The following ABTB2 variants were observed in gnomAD, a reference collection of about 807,000 sequenced individuals.
ABTB2 encodes ankyrin repeat and BTB domain containing 2.
A neutral mutation model predicts 104.1 loss-of-function variants in ABTB2; 56 were observed. The observed-to-expected ratio is 0.54, with a 90% CI of 0.43 to 0.67. The LOEUF (loss-of-function observed/expected upper bound fraction) is 0.67. Ranked by LOEUF, ABTB2 falls within the 30% of genes least tolerant of loss-of-function variation. ABTB2 has a pLI of 0.00. For synonymous variants in ABTB2, 606 were observed against 608.2 expected, an observed-to-expected ratio of 1.00 and a Z score of 0.05; for missense variants, 1,279 against 1,407.7, an observed-to-expected ratio of 0.91 and a Z score of 1.46.
intron 1 of ABTB2, among the ~76,000 whole-genome samples, chr11:34,221,959 A>G (rs1590221001): frequency 1.3e-5 from 2 of 152,124 alleles, no homozygotes; most frequent in Admixed American, 1.3e-4. Flanking sequence ...GCAGGAGAAT[A>G]GCTTGAACCT....
At chr11:34,309,459 C>T (rs892609716) in intron 1 of ABTB2, among the ~76,000 whole-genome samples, 2 of 152,108 alleles carry the variant, frequency 1.3e-5, no homozygotes, top group South Asian at 4.1e-4. Context: ...AAGATATGAA[C>T]GGGCATTACC....
Position 34,357,204 on chromosome 11 carries a change from C to T in ABTB2, c.380G>A (p.Arg127His). ...LPQFSAEAVR[R>H]LAGLLRRALI... ...TGCCCTGCGGAGCAGCCCGGCCAGG[C>T]GCCTCACCGCCTCGGCGGAGAACTG... is the stretch of plus-strand genomic sequence containing the variant. The change falls in exon 1 of 17, where the codon CGC becomes CAC. Residue 127 changes from arginine (R) to histidine (H), a missense_variant. Coordinates refer to ENST00000435224, the MANE Select transcript of ABTB2 (RefSeq NM_145804.3). 6.6e-7 allele frequency: 1 copy of T among 1,508,146 alleles called. No homozygotes were observed. Among genetic ancestry groups the T allele is most frequent in the South Asian group, 1.2e-5 (1 of 80,280 alleles). 93.4% of individuals were successfully genotyped at this position (1,508,146 alleles called of 1,614,324 possible).
rs371772087 is a variant in ABTB2 at position 34,310,509 on chromosome 11, C to T, written c.883+46192G>A. On this transcript the variant is annotated intron_variant, in intron 1 of 16. Coordinates refer to ENST00000435224, the MANE Select transcript of ABTB2 (RefSeq NM_145804.3). ...TCCATGGTGCCCTTGTGGGTTTCCT[C>T]CTCACACACCTATCCCTCCAGCCAG... Among the ~76,000 whole-genome samples, 4 of 152,268 alleles carry T rather than the reference C, an allele frequency of 2.6e-5. No individual in the cohort carries two copies. In the East Asian group the frequency reaches 5.8e-4, roughly 22 times the overall value.
chr11:34,167,254 C>G lies in ABTB2; in HGVS notation c.1755+5G>C. 1 of 1,604,956 alleles carries G rather than the reference C, an allele frequency of 6.2e-7. No individual in the cohort carries two copies. Among genetic ancestry groups the G allele is most frequent in the Non-Finnish European group, 8.5e-7 (1 of 1,175,472 alleles). ...GGGCATGGTGTTCACCTGGCAGGAGCTCACCTGGACCACAGAGATGTGTCC... is the reference window on the plus strand; with the variant it reads ...GGGCATGGTGTTCACCTGGCAGGAGGTCACCTGGACCACAGAGATGTGTCC... On this transcript the variant is annotated splice_donor_5th_base_variant and intron_variant, in intron 7 of 16. Transcript: ENST00000435224.
At chr11:34,253,672 T>C (rs926707905) in intron 1 of ABTB2, among the ~76,000 whole-genome samples, 3 of 135,082 alleles carry the variant, frequency 2.2e-5, no homozygotes, top group Non-Finnish European at 4.7e-5. Flanking sequence ...CGAGATTCCG[T>C]CTCAAAAAAA....
intron 1 of ABTB2, among the ~76,000 whole-genome samples, chr11:34,262,751 C>T (rs1012099734): frequency 6.6e-6 from 1 of 152,186 alleles, no homozygotes; most frequent in Admixed American, 6.5e-5. Flanking sequence ...ATACTGTTTT[C>T]TCAAGGGCTT....
chr11:34,168,045 A>G (rs1852825828), intron 5 of ABTB2, 53 bp from the exon 6 acceptor site: 1 of 1,552,810 alleles, frequency 6.4e-7, no homozygotes, highest in Non-Finnish European at 8.8e-7. Context: ...ACACAACACC[A>G]TGTGCCCACA....
At chr11:34,231,666 G>T (rs1392324451) in intron 1 of ABTB2, among the ~76,000 whole-genome samples, 3 of 152,170 alleles carry the variant, frequency 2.0e-5, no homozygotes, top group African/African-American at 7.2e-5. Context: ...CGCCTCCTGG[G>T]TTCAAGCGAT....
At chr11:34,195,075 C>CGGG (rs1461939590) in intron 3 of ABTB2, among the ~76,000 whole-genome samples, 200 of 17,934 alleles carry the variant, frequency 0.011, 7 homozygotes, top group South Asian at 0.026. Context: ...AGATGCCCGG[C>CGGG]GGGGGGGGGG....
intron 1 of ABTB2, among the ~76,000 whole-genome samples, chr11:34,290,947 G>T (rs1854559775): frequency 6.6e-6 from 1 of 152,150 alleles, no homozygotes; most frequent in Admixed American, 6.5e-5. Flanking sequence ...TTCTTTCTGA[G>T]ACACAAGAGA....
At chr11:34,240,601 G>A (rs1413052829) in intron 1 of ABTB2, among the ~76,000 whole-genome samples, 2 of 152,126 alleles carry the variant, frequency 1.3e-5, no homozygotes, top group East Asian at 1.9e-4. Flanking sequence ...TCTCCTCCCC[G>A]CCTTTTTTTG....
intron 1 of ABTB2, among the ~76,000 whole-genome samples, chr11:34,291,244 C>A (rs1480095537): frequency 6.6e-6 from 1 of 152,226 alleles, no homozygotes; most frequent in East Asian, 1.9e-4. Flanking sequence ...GGATCAGAAT[C>A]AGCTTTGATG....
chr11:34,294,033 T>C (rs1056978956), intron 1 of ABTB2, among the ~76,000 whole-genome samples: 8 of 152,228 alleles, frequency 5.3e-5, no homozygotes, highest in Non-Finnish European at 1.5e-5. Flanking sequence ...CTGAAAATTA[T>C]GTCAAAATAA....
intron 1 of ABTB2, among the ~76,000 whole-genome samples, chr11:34,338,732 C>A (rs774589667): frequency 6.6e-6 from 1 of 152,022 alleles, no homozygotes; most frequent in East Asian, 1.9e-4. Flanking sequence ...GATGTCTTAG[C>A]CCCACTTTTA....
At chr11:34,237,530 T>C (rs1853861573) in intron 1 of ABTB2, among the ~76,000 whole-genome samples, 1 of 152,216 alleles carries the variant, frequency 6.6e-6, no homozygotes, top group African/African-American at 2.4e-5. Context: ...GAATATGGTC[T>C]TCTTAAAGGG....
At chr11:34,251,368 C>T (rs147853096) in intron 1 of ABTB2, among the ~76,000 whole-genome samples, 2 of 152,260 alleles carry the variant, frequency 1.3e-5, no homozygotes, top group Non-Finnish European at 2.9e-5. Flanking sequence ...GGGGAAGAGG[C>T]GGGGCTCATC....
At chr11:34,237,463 CA>C (rs1565148673) in intron 1 of ABTB2, among the ~76,000 whole-genome samples, 1 of 151,960 alleles carries the variant, frequency 6.6e-6, no homozygotes, top group Non-Finnish European at 1.5e-5. Context: ...ATTCTGATTT[CA>C]AATTGTTTTC....
chr11:34,343,612 T>G (rs935784130), intron 1 of ABTB2, among the ~76,000 whole-genome samples: 2 of 148,716 alleles, frequency 1.3e-5, no homozygotes, highest in African/African-American at 4.9e-5. Flanking sequence ...GTAGCTGGGA[T>G]TACAGGCGCC....
rs373109593 is a variant in ABTB2, at chr11:34,275,933, G to T, written c.884-71243C>A. On this transcript the variant is annotated intron_variant, in intron 1 of 16. Coordinates refer to ENST00000435224, the MANE Select transcript of ABTB2 (RefSeq NM_145804.3). ...CGAGAAGACAGCTGTCGTCCTGGAA[G>T]TCACACAACAGGGCCATTGCTAGAC... 1.6e-4 allele frequency among the ~76,000 whole-genome samples: 25 copies of T among 152,324 alleles called. No homozygotes were observed. The South Asian group carries it at 3.9e-3, about 24-fold the overall frequency.
Sources: gnomAD v4.1 joint callset for allele counts (sites outside exome capture counted in the v4.1 genomes callset) on GRCh38, gnomAD v4.1.1 for gene constraint, MANE v1.5 for transcripts, NCBI Gene and HGNC (gene_info 2026-07-23, HGNC 2026-07-21) for gene names.